Variants in HECW1 observed in about 807,000 individuals in gnomAD.
HECW1 encodes E3 ubiquitin-protein ligase HECW1.
HECW1 carries 61 observed loss-of-function variants against 182.3 expected under a neutral mutation model. That is an observed-to-expected ratio of 0.33 (90% confidence interval 0.27 to 0.41). The LOEUF is 0.41. Among genes scored for constraint, HECW1 ranks in the 10% least tolerant of loss-of-function variants. The pLI is 1.00. For synonymous variants in HECW1, 859 were observed against 832.6 expected, an observed-to-expected ratio of 1.03 and a Z score of -0.55; for missense variants, 1,739 against 2,108.9, an observed-to-expected ratio of 0.82 and a Z score of 3.44.
At chr7:43,297,309 C>CTTGT (rs1246346976) in intron 3 of HECW1, among the ~76,000 whole-genome samples, 4 of 152,206 alleles carry the variant, frequency 2.6e-5, no homozygotes, top group African/African-American at 7.2e-5. Flanking sequence ...CACAATTACA[C>CTTGT]TTGTTTGTTT....
chr7:43,253,530 T>C (rs942766349), intron 3 of HECW1, among the ~76,000 whole-genome samples: 1 of 152,258 alleles, frequency 6.6e-6, no homozygotes, highest in African/African-American at 2.4e-5. Context: ...TGGCTGCTGA[T>C]AGCTCTGTTC....
intron 2 of HECW1, among the ~76,000 whole-genome samples, chr7:43,132,515 AG>A (rs1787065315): frequency 6.6e-6 from 1 of 150,708 alleles, no homozygotes; most frequent in East Asian, 1.9e-4. Flanking sequence ...TGTGAACAAG[AG>A]TTTCCTTCTC....
At chr7:43,279,644 T>C (rs1584303812) in intron 3 of HECW1, among the ~76,000 whole-genome samples, 1 of 152,358 alleles carries the variant, frequency 6.6e-6, no homozygotes, top group South Asian at 2.1e-4. Context: ...TCATTTGTTC[T>C]GAAGCTGATG....
At chr7:43,360,260 G>A (rs1396797314) in intron 5 of HECW1, among the ~76,000 whole-genome samples, 1 of 150,158 alleles carries the variant, frequency 6.7e-6, no homozygotes, top group African/African-American at 2.5e-5. Flanking sequence ...TACCCAGGCT[G>A]GAGTGCACTG....
intron 5 of HECW1, among the ~76,000 whole-genome samples, chr7:43,326,164 C>T (rs1810754881): frequency 6.6e-6 from 1 of 152,248 alleles, no homozygotes. Flanking sequence ...CCCCTTCAAC[C>T]TCTCTTACAA....
intron 2 of HECW1, among the ~76,000 whole-genome samples, chr7:43,116,766 A>G (rs1390705566): frequency 1.3e-5 from 2 of 152,242 alleles, no homozygotes; most frequent in Non-Finnish European, 2.9e-5. Flanking sequence ...AGAAAACAGT[A>G]TGAAATGCTC....
At chr7:43,470,133 G>T (rs1041832054) in intron 16 of HECW1, among the ~76,000 whole-genome samples, 1 of 152,240 alleles carries the variant, frequency 6.6e-6, no homozygotes, top group Non-Finnish European at 1.5e-5. Context: ...AAAAGTCACT[G>T]TAGCCAGGAT....
chr7:43,273,699 A>G (rs543422868), intron 3 of HECW1, among the ~76,000 whole-genome samples: 66 of 152,336 alleles, frequency 4.3e-4, no homozygotes, highest in Middle Eastern at 3.4e-3. Context: ...AAAAGAAATC[A>G]GGATATTTGA....
chr7:43,399,757 T>C (rs1033513019), intron 7 of HECW1, among the ~76,000 whole-genome samples: 2 of 152,316 alleles, frequency 1.3e-5, no homozygotes, highest in South Asian at 4.1e-4. Flanking sequence ...TCATTTTTCT[T>C]ACATTTATTC....
At chr7:43,135,082 G>T (rs1186513269) in intron 2 of HECW1, among the ~76,000 whole-genome samples, 2 of 151,750 alleles carry the variant, frequency 1.3e-5, no homozygotes, top group African/African-American at 4.8e-5. Context: ...TTTATCTCGG[G>T]GATGTTGTTA....
At chr7:43,210,450 A>AGTGTGTGTGTGTGTGTGT (rs57987187) in intron 2 of HECW1, among the ~76,000 whole-genome samples, 145 of 145,510 alleles carry the variant, frequency 1.0e-3, no homozygotes, top group African/African-American at 3.5e-3. Context: ...AGTAGAAGTG[A>AGTGTGTGTGTGTGTGTGT]GTGTGTGTGT....
intron 5 of HECW1, among the ~76,000 whole-genome samples, chr7:43,322,274 G>A (rs1457068831): frequency 6.6e-6 from 1 of 152,152 alleles, no homozygotes; most frequent in Non-Finnish European, 1.5e-5. Flanking sequence ...TAGCCAGGCT[G>A]GTCTCGAACT....
intron 7 of HECW1, among the ~76,000 whole-genome samples, chr7:43,398,210 T>C (rs1240834550): frequency 1.3e-5 from 2 of 151,988 alleles, no homozygotes; most frequent in Non-Finnish European, 2.9e-5. Context: ...TGAGCCGAGA[T>C]TGCACCACTG....
intron 3 of HECW1, among the ~76,000 whole-genome samples, chr7:43,296,454 G>A (rs1806063937): frequency 6.6e-6 from 1 of 152,080 alleles, no homozygotes; most frequent in Non-Finnish European, 1.5e-5. Context: ...TGACAGTGAG[G>A]CCCCTGGTTC....
chr7:43,319,048 C>G (rs1205342186), intron 4 of HECW1, among the ~76,000 whole-genome samples: 1 of 152,228 alleles, frequency 6.6e-6, no homozygotes, highest in Admixed American at 6.5e-5. Flanking sequence ...ATTCTCAGAT[C>G]TGTCCTCCTC....
At position 43,139,169 on chromosome 7, in the gene HECW1, C is replaced by G. The variant is rs112254020; in HGVS notation, c.-32+24778C>G. Among the ~76,000 whole-genome samples the G allele has an allele frequency of 4.8e-3, 737 of 152,254 alleles. 3 individuals are homozygous for G. Among genetic ancestry groups the G allele is most frequent in the African/African-American group, 0.017 (693 of 41,540 alleles). ...GAATGGTGCCTCTAGGAGGGAAATA[C>G]TGACCTGACCCTAGGGGGGCTGCCA... On this transcript the variant is annotated intron_variant, in intron 2 of 29. Coordinates refer to ENST00000395891, the MANE Select transcript of HECW1 (RefSeq NM_015052.5).
intron 17 of HECW1, 39 bp from the exon 18 acceptor site, chr7:43,492,036 T>C (rs1185907805): frequency 1.4e-6 from 2 of 1,454,104 alleles, no homozygotes; most frequent in Non-Finnish European, 1.9e-6. Context: ...CTGAAATTGA[T>C]ACAAATTTCT....
chr7:43,365,809 A>G (rs1338460916), intron 6 of HECW1, among the ~76,000 whole-genome samples: 4 of 152,184 alleles, frequency 2.6e-5, no homozygotes, highest in Non-Finnish European at 5.9e-5. Flanking sequence ...AAGAACAAAG[A>G]ACGGCTGGGT....
At chr7:43,125,934 G>A (rs568709650) in intron 2 of HECW1, among the ~76,000 whole-genome samples, 9 of 151,968 alleles carry the variant, frequency 5.9e-5, no homozygotes, top group Non-Finnish European at 1.2e-4. Flanking sequence ...AGGAGACCTT[G>A]CTTTCTAACC....
Sources: gnomAD v4.1 joint callset for allele counts (sites outside exome capture counted in the v4.1 genomes callset) on GRCh38, gnomAD v4.1.1 for gene constraint, MANE v1.5 for transcripts, NCBI Gene and HGNC (gene_info 2026-07-23, HGNC 2026-07-21) for gene names.